Variants in ZNF597 observed in about 807,000 individuals in gnomAD.
ZNF597 encodes zinc finger protein 597.
ZNF597 carries 5 observed loss-of-function variants against 7.3 expected under a neutral mutation model. That is an observed-to-expected ratio of 0.68 (90% CI 0.36 to 1.44). The LOEUF (loss-of-function observed/expected upper bound fraction) is 1.44, where lower values mean the gene tolerates loss of function less well. ZNF597 is among the 40% of genes most tolerant of loss of function. The pLI is 0.04. For missense variants in ZNF597, 585 were observed against 517.9 expected, an observed-to-expected ratio of 1.13 and a Z score of -1.26; for synonymous variants, 209 against 185.4, an observed-to-expected ratio of 1.13 and a Z score of -1.04.
Position 3,436,875 on chromosome 16 carries a change from T to C in ZNF597, c.824A>G (p.Lys275Arg), listed in dbSNP as rs1242725091. The C allele has an allele frequency of 4.3e-6, 7 of 1,614,088 alleles. No individual in the cohort carries two copies. The highest frequency in any genetic ancestry group is 5.9e-6 in the Non-Finnish European group (7 of 1,180,048). ...ENTYESTNCD[K>R]HFNEKPNLAL... ...AAGATTTGGTTTCTCATTAAAATGTTTATCACAGTTAGTAGATTCGTAGGT... is the reference window on the plus strand; with the variant it reads ...AAGATTTGGTTTCTCATTAAAATGTCTATCACAGTTAGTAGATTCGTAGGT... The change falls in exon 4 of 4, where the codon AAA (lysine) becomes AGA (arginine). Residue 275 changes from lysine (K) to arginine (R), a missense_variant. By Grantham distance (26) the Lys-to-Arg change is conservative (BLOSUM62 2). Transcript: ENST00000301744.
At position 3,435,984 on chromosome 16, in the gene ZNF597, T is replaced by G. The variant is rs1260373695; in HGVS notation, c.*440A>C. 6.3e-6 allele frequency: 1 copy of G among 159,722 alleles called. No homozygotes were observed. Among genetic ancestry groups the G allele is most frequent in the East Asian group, 1.8e-4 (1 of 5,406 alleles). The allele number at this position is 159,722 out of a possible 1,614,324, so 9.9% of individuals were successfully genotyped here. ...TTATACAAGTATTACATTCAAATAG[T>G]TATAGCAAAAAAAAGTATAAAACAT... On this transcript the variant is annotated 3_prime_UTR_variant, in exon 4 of 4. Coordinates refer to ENST00000301744, the MANE Select transcript of ZNF597 (RefSeq NM_152457.3).
In ZNF597 at chr16:3,435,110, G is replaced by A. The variant is rs1191500384; in HGVS notation, c.*1314C>T. The A allele has an allele frequency of 6.6e-6, 1 of 152,126 alleles. No homozygotes were observed. Among genetic ancestry groups the A allele is most frequent in the African/African-American group, 2.4e-5 (1 of 41,430 alleles). 9.4% of individuals were successfully genotyped at this position (152,126 alleles called of 1,614,324 possible). On this transcript the variant is annotated 3_prime_UTR_variant, in exon 4 of 4. Coordinates refer to ENST00000301744, the MANE Select transcript of ZNF597 (RefSeq NM_152457.3). ...TTCTATATGCATTTTCTTTGGAGAT[G>A]GAGAGGAAATGTTATGGGTGTTTTT...
At chr16:3,440,218 C>A (rs55662423) in intron 3 of ZNF597, among the ~76,000 whole-genome samples, 2 of 152,186 alleles carry the variant, frequency 1.3e-5, no homozygotes, top group Non-Finnish European at 2.9e-5. Context: ...TGATAGTGAT[C>A]GATACTAATG....
In ZNF597 at chr16:3,436,229, A is replaced by T. The variant is rs1003735809; in HGVS notation, c.*195T>A. On this transcript the variant is annotated 3_prime_UTR_variant, in exon 4 of 4. Coordinates refer to ENST00000301744, the MANE Select transcript of ZNF597 (RefSeq NM_152457.3). The stretch of plus-strand genomic sequence containing the variant: ...AAATCCTGGGTTCATTCACTAGTTT[A>T]GTGACACGGATTTTGCATCCCTACT... 1.5e-5 allele frequency: 9 copies of T among 604,986 alleles called. No homozygotes were observed. Among genetic ancestry groups the T allele is most frequent in the African/African-American group, 1.5e-4 (8 of 53,998 alleles). The allele number at this position is 604,986 out of a possible 1,614,324, so 37.5% of individuals were successfully genotyped here. A position where few individuals can be genotyped will look rare whatever the true frequency, so the allele number is the denominator to read the frequency against.
intron 3 of ZNF597, among the ~76,000 whole-genome samples, chr16:3,438,659 G>A (rs1384194016): frequency 1.3e-5 from 2 of 152,160 alleles, no homozygotes; most frequent in Non-Finnish European, 2.9e-5. Flanking sequence ...CGGGTTATCA[G>A]AAATAGTTTT....
chr16:3,440,782 G>C, intron 3 of ZNF597, 25 bp downstream of exon 3: 1 of 1,612,404 alleles, frequency 6.2e-7, no homozygotes, highest in Non-Finnish European at 8.5e-7. Flanking sequence ...AAAAGTTCCA[G>C]ATGCAGGAAA....
intron 3 of ZNF597, 139 bp downstream of exon 3, chr16:3,440,668 T>G (rs1177417853): frequency 1.7e-6 from 2 of 1,148,498 alleles, no homozygotes; most frequent in South Asian, 1.6e-5. Context: ...TTAAAACTTT[T>G]TCTCTCACAC....
Position 3,433,539 on chromosome 16 carries a change from A to C in ZNF597, c.*2885T>G, listed in dbSNP as rs2034273374. 6.6e-6 allele frequency: 1 copy of C among 152,224 alleles called. No individual in the cohort carries two copies. Among genetic ancestry groups the C allele is most frequent in the Non-Finnish European group, 1.5e-5 (1 of 68,036 alleles). The allele number at this position is 152,224 out of a possible 1,614,324, so 9.4% of individuals were successfully genotyped here. A position where few individuals can be genotyped will look rare whatever the true frequency, so the allele number is the denominator to read the frequency against. ...CTCTTGCATTTAGTTTTTCATTCCC[A>C]TATTAACTTTTATCCAGTATTTGTG... On this transcript the variant is annotated 3_prime_UTR_variant, in exon 4 of 4. Transcript: ENST00000301744.
rs2034267108 is a variant in ZNF597 at position 3,432,663 on chromosome 16, G to C, written c.*3761C>G. On this transcript the variant is annotated 3_prime_UTR_variant, in exon 4 of 4. Transcript: ENST00000301744. ...ATTTATATTGTATTCCCCCCCTACA[G>C]ACTTAATGCAAAGAGGACTGTCAAT... 1 of 152,130 alleles carries C rather than the reference G, an allele frequency of 6.6e-6. No homozygotes were observed. The highest frequency in any genetic ancestry group is 2.4e-5 in the African/African-American group (1 of 41,422). 9.4% of individuals were successfully genotyped at this position (152,130 alleles called of 1,614,324 possible). A position where few individuals can be genotyped will look rare whatever the true frequency, so the allele number is the denominator to read the frequency against.
intron 3 of ZNF597, among the ~76,000 whole-genome samples, chr16:3,437,748 G>GGAC (rs2067205): frequency 6.7e-6 from 1 of 150,314 alleles, no homozygotes; most frequent in Non-Finnish European, 1.5e-5. Flanking sequence ...AAGGTAAGGA[G>GGAC]AGAATAGCTA....
chr16:3,432,671 G>A lies in ZNF597; in HGVS notation c.*3753C>T, dbSNP rs945691083. 1 of 152,126 alleles carries A rather than the reference G, an allele frequency of 6.6e-6. No individual in the cohort carries two copies. The highest frequency in any genetic ancestry group is 6.5e-5 in the Admixed American group (1 of 15,280). The allele number at this position is 152,126 out of a possible 1,614,324, so 9.4% of individuals were successfully genotyped here. A position where few individuals can be genotyped will look rare whatever the true frequency, so the allele number is the denominator to read the frequency against. ...TGTATTCCCCCCCTACAGACTTAAT[G>A]CAAAGAGGACTGTCAATTTTAAAAG... On this transcript the variant is annotated 3_prime_UTR_variant, in exon 4 of 4. Coordinates refer to ENST00000301744, the MANE Select transcript of ZNF597 (RefSeq NM_152457.3).
chr16:3,441,180 T>C (rs2034364417), intron 2 of ZNF597, among the ~76,000 whole-genome samples: 1 of 152,174 alleles, frequency 6.6e-6, no homozygotes, highest in Non-Finnish European at 1.5e-5. Context: ...AGAATTATTG[T>C]CTATCTTGAA....
Position 3,436,829 on chromosome 16 carries a change from G to C in ZNF597, c.870C>G (p.Phe290Leu). ...KPNLALPEET[F>L]VSGPQYQHTK... ...TGTGCTGGTACTGGGGGCCTGATAC[G>C]AATGTTTCCTCAGGCAAAGCAAGAT... Residue 290 changes from phenylalanine (F) to leucine (L), a missense_variant, in exon 4 of 4, where the codon TTC (phenylalanine) becomes TTG (leucine). By Grantham distance (22) the Phe-to-Leu change is conservative. Coordinates refer to ENST00000301744, the MANE Select transcript of ZNF597 (RefSeq NM_152457.3). The C allele has an allele frequency of 6.2e-7, 1 of 1,613,814 alleles. No individual in the cohort carries two copies. The highest frequency in any genetic ancestry group is 8.5e-7 in the Non-Finnish European group (1 of 1,180,020).
chr16:3,436,547 A>G lies in ZNF597; in HGVS notation c.1152T>C (p.Leu384=). 1 of 1,613,978 alleles carries G rather than the reference A, an allele frequency of 6.2e-7. No individual in the cohort carries two copies. Among genetic ancestry groups the G allele is most frequent in the Non-Finnish European group, 8.5e-7 (1 of 1,179,936 alleles). The part of the protein sequence containing the change: ...CEESFALDSE[L]ACHQKSHMLA... ...GCATGTGGCTCTTCTGGTGGCATGC[A>G]AGTTCTGAGTCCAAAGCAAAACTTT... The change falls in exon 4 of 4, where the codon CTT becomes CTC. Residue 384 remains leucine, a synonymous_variant. Transcript: ENST00000301744.
At position 3,443,160 on chromosome 16, in the gene ZNF597, G is replaced by A. The variant is rs746880156; in HGVS notation, c.-7C>T. 5.6e-6 allele frequency: 9 copies of A among 1,612,352 alleles called. No individual in the cohort carries two copies. In the Admixed American group the frequency reaches 1.2e-4, roughly 21 times the overall value. On this transcript the variant is annotated 5_prime_UTR_variant, in exon 2 of 4. Coordinates refer to ENST00000301744, the MANE Select transcript of ZNF597 (RefSeq NM_152457.3). Reference sequence around the variant, plus strand: ...TCGGGGGCATGGACGCCATTTGGCGGGTGGGGAATGCCTTCTTCAAGACGC... The same window carrying A: ...TCGGGGGCATGGACGCCATTTGGCGAGTGGGGAATGCCTTCTTCAAGACGC...
At position 3,436,632 on chromosome 16, in the gene ZNF597, A is replaced by C. The variant is rs1567351647; in HGVS notation, c.1067T>G (p.Leu356Arg). 2 of 1,606,986 alleles carry C rather than the reference A, an allele frequency of 1.2e-6. 1 individual carries two copies. Among genetic ancestry groups the C allele is most frequent in the Non-Finnish European group, 1.7e-6 (2 of 1,176,104 alleles). ...TGTATGAATGTTCTGATGGGAAATA[A>C]GCTCAGAGAAACAAGGAAAGGTCAT... is the stretch of plus-strand genomic sequence containing the variant. ...CDMTFPCFSE[L>R]ISHQNIHTEE... is the part of the protein sequence containing the mutation. Residue 356 changes from leucine to arginine, a missense_variant, in exon 4 of 4, where the codon CTT (leucine) becomes CGT (arginine). Coordinates refer to ENST00000301744, the MANE Select transcript of ZNF597 (RefSeq NM_152457.3).
intron 2 of ZNF597, among the ~76,000 whole-genome samples, chr16:3,442,724 C>A (rs1056380535): frequency 2.6e-5 from 4 of 151,702 alleles, no homozygotes; most frequent in Non-Finnish European, 4.4e-5. Context: ...CTGTGGTATG[C>A]GCGCCTCTCA....
Position 3,443,353 on chromosome 16 carries a change from C to T in ZNF597, c.-54+7G>A, listed in dbSNP as rs149309003. 120 of 591,648 alleles carry T rather than the reference C, an allele frequency of 2.0e-4. No individual in the cohort carries two copies. The African/African-American group carries it at 2.1e-3, about 10-fold the overall frequency. 36.6% of individuals were successfully genotyped at this position (591,648 alleles called of 1,614,324 possible). ...TCTTGGCCCGGCCTCGAAAGGGGCCCACTTACCGCTCCGCGGTTAATAACA... is the reference window on the plus strand; with the variant it reads ...TCTTGGCCCGGCCTCGAAAGGGGCCTACTTACCGCTCCGCGGTTAATAACA... On this transcript the variant is annotated splice_region_variant and intron_variant, in intron 1 of 3. Transcript: ENST00000301744.
rs149344835 is a variant in ZNF597, at chr16:3,437,895, C to A, written c.161-357G>T. Among the ~76,000 whole-genome samples the A allele has an allele frequency of 4.6e-3, 703 of 152,196 alleles. 2 individuals are homozygous for A. Among genetic ancestry groups the A allele is most frequent in the Non-Finnish European group, 7.5e-3 (512 of 68,018 alleles). On this transcript the variant is annotated intron_variant, in intron 3 of 3. Transcript: ENST00000301744. The stretch of plus-strand genomic sequence containing the variant: ...GAAGCTATCTCAAGTGACAGCAGAA[C>A]AATTAACAATTGGAAAAAAGATTAG...
Sources: allele counts gnomAD v4.1 joint callset (sites outside exome capture counted in the v4.1 genomes callset), GRCh38; gene constraint gnomAD v4.1.1; transcripts MANE v1.5; gene names NCBI Gene and HGNC (gene_info 2026-07-23, HGNC 2026-07-21).